The following USH2A variants were observed in gnomAD, a reference collection of about 807,000 sequenced individuals.
USH2A encodes the protein Usher syndrome 2A (autosomal recessive, mild).
A neutral mutation model predicts 538.9 loss-of-function variants in USH2A; 443 were observed. The observed-to-expected ratio is 0.82, with a 90% CI of 0.76 to 0.89. The LOEUF is 0.89. Ranked by LOEUF, USH2A falls within the 40% of genes least tolerant of loss-of-function variation. USH2A has a pLI of 0.00. For missense variants in USH2A, 6,633 were observed against 6,324.8 expected (o/e 1.05, Z -1.65); for synonymous variants, 2,413 against 2,273.5 (o/e 1.06, Z -1.75).
chr1:216,061,013 C>A (rs1048236215), intron 30 of USH2A, among the ~76,000 whole-genome samples: 1 of 152,158 alleles, frequency 6.6e-6, no homozygotes, highest in Admixed American at 6.6e-5. Flanking sequence ...GGGTTTTCTA[C>A]CCTGAGGCTC....
At chr1:216,266,478 G>A (rs2036475426) in intron 11 of USH2A, among the ~76,000 whole-genome samples, 1 of 152,114 alleles carries the variant, frequency 6.6e-6, no homozygotes, top group Admixed American at 6.6e-5. Context: ...TCGGTTGCCT[G>A]TAAAGAAAGA....
rs1012638250 is a variant in USH2A, at chr1:215,624,113, T to G, written c.*1668A>C. 7 of 152,182 alleles carry G rather than the reference T, an allele frequency of 4.6e-5. No homozygotes were observed. The highest frequency in any genetic ancestry group is 1.3e-4 in the Admixed American group (2 of 15,264). The allele number at this position is 152,182 out of a possible 1,614,324, so 9.4% of individuals were successfully genotyped here. Reference sequence around the variant, plus strand: ...TTTCATTTCAGAAAGTATAAAAACTTGGCGAGAAATATATATTTCGTATTT... The same window carrying G: ...TTTCATTTCAGAAAGTATAAAAACTGGGCGAGAAATATATATTTCGTATTT... On this transcript the variant is annotated 3_prime_UTR_variant, in exon 72 of 72. Transcript: ENST00000307340.
At chr1:216,181,655 A>T (rs2034496381) in intron 20 of USH2A, among the ~76,000 whole-genome samples, 1 of 152,134 alleles carries the variant, frequency 6.6e-6, no homozygotes, top group Non-Finnish European at 1.5e-5. Context: ...CAATGATGAC[A>T]GCAACCACCA....
chr1:216,241,611 T>G (rs2035940079), intron 13 of USH2A, among the ~76,000 whole-genome samples: 1 of 152,050 alleles, frequency 6.6e-6, no homozygotes, highest in Non-Finnish European at 1.5e-5. Flanking sequence ...CTCTGCTCAC[T>G]GCAATCTGTG....
chr1:216,266,018 A>C (rs1353200445), intron 11 of USH2A, among the ~76,000 whole-genome samples: 1 of 152,128 alleles, frequency 6.6e-6, no homozygotes, highest in African/African-American at 2.4e-5. Flanking sequence ...ACAACAATTT[A>C]TTATATGTTT....
At chr1:216,259,840 A>C (rs2036333592) in intron 11 of USH2A, among the ~76,000 whole-genome samples, 1 of 152,218 alleles carries the variant, frequency 6.6e-6, no homozygotes, top group South Asian at 2.1e-4. Context: ...AACAAGTAAA[A>C]CCCATAATTT....
At chr1:215,759,615 G>T in intron 57 of USH2A, 45 bp downstream of exon 57, 1 of 1,607,920 alleles carries the variant, frequency 6.2e-7, no homozygotes, top group Non-Finnish European at 8.5e-7. Context: ...CCAGAGAAAT[G>T]TACAAATCCT....
chr1:215,912,389 A>C lies in USH2A; in HGVS notation c.7301-11484T>G, dbSNP rs1178241870. Among the ~76,000 whole-genome samples, 4 of 151,010 alleles carry C rather than the reference A, an allele frequency of 2.6e-5. No individual in the cohort carries two copies. In the East Asian group the frequency reaches 5.9e-4, roughly 22 times the overall value. ...TTTATTTTTGTACATGGTGAGAGAT[A>C]GGGGTCTAATTTTATTCTTTAAAAA... On this transcript the variant is annotated intron_variant, in intron 38 of 71. Coordinates refer to ENST00000307340, the MANE Select transcript of USH2A (RefSeq NM_206933.4).
At chr1:215,977,373 G>A (rs540713138) in intron 35 of USH2A, among the ~76,000 whole-genome samples, 80 of 152,186 alleles carry the variant, frequency 5.3e-4, no homozygotes, top group African/African-American at 1.2e-3. Flanking sequence ...TTGGTATGTT[G>A]TACCTCTGTT....
chr1:216,056,654 A>C (rs1230885549), intron 30 of USH2A, among the ~76,000 whole-genome samples: 1 of 152,200 alleles, frequency 6.6e-6, no homozygotes, highest in Non-Finnish European at 1.5e-5. Context: ...AGAGGTTCAA[A>C]TTTATTACTG....
In USH2A at chr1:215,763,410, A is replaced by G. The variant is rs1440636782; in HGVS notation, c.11047+3271T>C. Among the ~76,000 whole-genome samples, 4 of 152,108 alleles carry G rather than the reference A, an allele frequency of 2.6e-5. No homozygotes were observed. In the East Asian group the frequency reaches 7.7e-4, roughly 29 times the overall value. On this transcript the variant is annotated intron_variant, in intron 56 of 71. Transcript: ENST00000307340. ...GATTTCCAGAAGGGGAGATGCGTGA[A>G]CCAAGTTTTGAAAAGGTGAGCGTTA...
chr1:216,161,236 T>C lies in USH2A; in HGVS notation c.4627+14016A>G, dbSNP rs2034053119. ...CACCACAGTGGTATTTGTCCTTTTA[T>C]TCCCCACATTTGCTCTTTGTTTCTG... On this transcript the variant is annotated intron_variant, in intron 21 of 71. Coordinates refer to ENST00000307340, the MANE Select transcript of USH2A (RefSeq NM_206933.4). Among the ~76,000 whole-genome samples, 5 of 152,164 alleles carry C rather than the reference T, an allele frequency of 3.3e-5. No homozygotes were observed. In the South Asian group the frequency reaches 8.3e-4, roughly 25 times the overall value.
intron 4 of USH2A, among the ~76,000 whole-genome samples, chr1:216,344,469 T>C (rs1016950345): frequency 6.6e-6 from 1 of 152,030 alleles, no homozygotes; most frequent in Non-Finnish European, 1.5e-5. Context: ...CTTTACAAGA[T>C]GGAATTTTTG....
chr1:216,014,525 G>A (rs1668659915), intron 32 of USH2A, among the ~76,000 whole-genome samples: 1 of 152,210 alleles, frequency 6.6e-6, no homozygotes, highest in Admixed American at 6.5e-5. Flanking sequence ...ACAATTGCAG[G>A]TATGTACACA....
At chr1:216,410,975 C>CT in intron 3 of USH2A, among the ~76,000 whole-genome samples, 1 of 152,126 alleles carries the variant, frequency 6.6e-6, no homozygotes, top group African/African-American at 2.4e-5. Flanking sequence ...TCACTGCAGC[C>CT]AAAGTGATCT....
At chr1:216,011,870 A>G (rs2102493144) in intron 32 of USH2A, among the ~76,000 whole-genome samples, 1 of 151,408 alleles carries the variant, frequency 6.6e-6, no homozygotes, top group East Asian at 1.9e-4. Flanking sequence ...TATTCCTGAT[A>G]CCACACCTGA....
At chr1:215,957,410 T>C (rs1276374373) in intron 37 of USH2A, among the ~76,000 whole-genome samples, 1 of 152,222 alleles carries the variant, frequency 6.6e-6, no homozygotes, top group Non-Finnish European at 1.5e-5. Flanking sequence ...AATGATGTAA[T>C]GTCAGAAGAC....
At chr1:216,018,551 T>C (rs1270471684) in intron 32 of USH2A, among the ~76,000 whole-genome samples, 5 of 152,164 alleles carry the variant, frequency 3.3e-5, no homozygotes, top group African/African-American at 4.8e-5. Context: ...GTGTCTTACG[T>C]TGGCAGAACC....
chr1:216,238,752 A>C (rs548590825), intron 13 of USH2A, among the ~76,000 whole-genome samples: 6 of 152,178 alleles, frequency 3.9e-5, no homozygotes, highest in Admixed American at 6.5e-5. Flanking sequence ...TTTTTTAGGA[A>C]AGTGGGACAA....
Sources: gnomAD v4.1 joint callset for allele counts (sites outside exome capture counted in the v4.1 genomes callset) on GRCh38, gnomAD v4.1.1 for gene constraint, MANE v1.5 for transcripts, NCBI Gene and HGNC (gene_info 2026-07-23, HGNC 2026-07-21) for gene names.